The following FRMD4A variants were observed in gnomAD, a reference collection of about 807,000 sequenced individuals.
The protein encoded by FRMD4A is FERM domain-containing protein 4A.
FRMD4A carries 29 observed loss-of-function variants against 129.1 expected under a neutral mutation model. The ratio of observed to expected loss-of-function variants is 0.22; its 90% CI spans 0.17 to 0.31. FRMD4A has a LOEUF of 0.31. Among genes scored for constraint, FRMD4A ranks in the 10% least tolerant of loss-of-function variants. The pLI is 1.00. For synonymous variants in FRMD4A, 634 were observed against 571.6 expected (o/e 1.11, Z -1.56); for missense variants, 1,272 against 1,375.8 (o/e 0.92, Z 1.19).
chr10:13,829,213 A>C (rs889500098), intron 3 of FRMD4A, among the ~76,000 whole-genome samples: 4 of 152,186 alleles, frequency 2.6e-5, no homozygotes, highest in Admixed American at 2.6e-4. Flanking sequence ...AAGCTTTCAC[A>C]TTGATAAACA....
intron 12 of FRMD4A, among the ~76,000 whole-genome samples, chr10:13,718,075 C>T (rs943226196): frequency 2.0e-5 from 3 of 152,232 alleles, no homozygotes; most frequent in African/African-American, 7.2e-5. Context: ...TGGAACACCT[C>T]GTGCTTCCAG....
chr10:13,862,857 G>T (rs1276063940), intron 2 of FRMD4A, among the ~76,000 whole-genome samples: 2 of 152,054 alleles, frequency 1.3e-5, no homozygotes, highest in African/African-American at 4.8e-5. Flanking sequence ...GCTTTGTCTG[G>T]CTTGCCAGGC....
intron 2 of FRMD4A, among the ~76,000 whole-genome samples, chr10:13,995,157 C>A (rs1464135116): frequency 6.6e-6 from 1 of 152,106 alleles, no homozygotes; most frequent in Non-Finnish European, 1.5e-5. Flanking sequence ...CACCTTAAGG[C>A]CATTGACAGA....
chr10:13,918,512 T>A (rs2095034429), intron 2 of FRMD4A, among the ~76,000 whole-genome samples: 1 of 152,288 alleles, frequency 6.6e-6, no homozygotes, highest in East Asian at 1.9e-4. Context: ...TACATGTCTG[T>A]TACGAATATC....
At chr10:13,740,642 G>A (rs892019929) in intron 9 of FRMD4A, 65 bp from the exon 10 acceptor site, 2 of 820,074 alleles carry the variant, frequency 2.4e-6, no homozygotes, top group Non-Finnish European at 4.1e-6. Flanking sequence ...CTTCCTGCCA[G>A]TAAGATATTT....
At chr10:13,926,727 C>T (rs964957742) in intron 2 of FRMD4A, among the ~76,000 whole-genome samples, 6 of 150,602 alleles carry the variant, frequency 4.0e-5, no homozygotes, top group African/African-American at 7.3e-5. Context: ...CTTATACAAG[C>T]AAATAAGAAA....
intron 2 of FRMD4A, among the ~76,000 whole-genome samples, chr10:13,972,954 C>T (rs1242031562): frequency 6.6e-6 from 1 of 152,186 alleles, no homozygotes; most frequent in Admixed American, 6.5e-5. Flanking sequence ...TAACTAATAC[C>T]ATCAGAAAAG....
At chr10:13,698,854 G>A (rs1187573720) in intron 14 of FRMD4A, among the ~76,000 whole-genome samples, 1 of 152,220 alleles carries the variant, frequency 6.6e-6, no homozygotes, top group Non-Finnish European at 1.5e-5. Flanking sequence ...CCTGTGAGAA[G>A]TGTGAGGGCT....
At chr10:14,098,899 T>C (rs1588971770) in intron 2 of FRMD4A, among the ~76,000 whole-genome samples, 1 of 152,204 alleles carries the variant, frequency 6.6e-6, no homozygotes, top group Non-Finnish European at 1.5e-5. Flanking sequence ...CAATGGAACC[T>C]GGATTGGAAC....
At chr10:14,103,165 G>A (rs1024844868) in intron 2 of FRMD4A, among the ~76,000 whole-genome samples, 1 of 152,182 alleles carries the variant, frequency 6.6e-6, no homozygotes, top group Non-Finnish European at 1.5e-5. Context: ...GAAGTGAAGA[G>A]ATGGCCAGCA....
At chr10:13,911,206 C>T (rs1589245997) in intron 2 of FRMD4A, among the ~76,000 whole-genome samples, 1 of 152,104 alleles carries the variant, frequency 6.6e-6, no homozygotes, top group East Asian at 1.9e-4. Flanking sequence ...GCTGAATTTC[C>T]ACAGTCTACC....
chr10:14,062,329 T>A (rs540278055), intron 2 of FRMD4A, among the ~76,000 whole-genome samples: 1 of 152,224 alleles, frequency 6.6e-6, no homozygotes, highest in African/African-American at 2.4e-5. Context: ...AAATTTTGTG[T>A]ATCTGATTAC....
intron 2 of FRMD4A, among the ~76,000 whole-genome samples, chr10:14,277,562 GT>G (rs1352647304): frequency 6.6e-6 from 1 of 152,220 alleles, no homozygotes; most frequent in East Asian, 1.9e-4. Flanking sequence ...ATAGTTGCTT[GT>G]TGTTAAACCA....
intron 2 of FRMD4A, among the ~76,000 whole-genome samples, chr10:14,127,998 CTCT>C: frequency 1.0e-5 from 1 of 99,756 alleles, no homozygotes. Context: ...CTCTCTCTCT[CTCT>C]TTCTTTCTTT....
At chr10:14,143,941 A>C (rs1470849065) in intron 2 of FRMD4A, among the ~76,000 whole-genome samples, 1 of 152,184 alleles carries the variant, frequency 6.6e-6, no homozygotes, top group Non-Finnish European at 1.5e-5. Context: ...ATATTTTGTC[A>C]CAATTAAAAT....
At chr10:14,005,530 G>T (rs2095659228) in intron 2 of FRMD4A, among the ~76,000 whole-genome samples, 1 of 152,164 alleles carries the variant, frequency 6.6e-6, no homozygotes, top group Non-Finnish European at 1.5e-5. Flanking sequence ...CACCTAAGGG[G>T]ACAGGACTGT....
rs890206232 is a variant in FRMD4A, at chr10:13,646,635, C to G, written c.*403G>C. ...CGCAGGAATTGGATGCCGGCTGGCC[C>G]CCCTGATGGTTCCTGGCCTAGGGGC... On this transcript the variant is annotated 3_prime_UTR_variant, in exon 25 of 25. Transcript: ENST00000357447. The G allele has an allele frequency of 6.6e-6, 1 of 152,636 alleles. No individual in the cohort carries two copies. Among genetic ancestry groups the G allele is most frequent in the African/African-American group, 2.4e-5 (1 of 41,468 alleles). 9.5% of individuals were successfully genotyped at this position (152,636 alleles called of 1,614,324 possible).
At chr10:14,225,628 G>A (rs1008219595) in intron 2 of FRMD4A, among the ~76,000 whole-genome samples, 1 of 152,230 alleles carries the variant, frequency 6.6e-6, no homozygotes, top group Non-Finnish European at 1.5e-5. Flanking sequence ...TCCCGATTGT[G>A]AGGAACACAT....
intron 2 of FRMD4A, among the ~76,000 whole-genome samples, chr10:14,251,953 T>G (rs1164988834): frequency 6.6e-6 from 1 of 152,190 alleles, no homozygotes; most frequent in Non-Finnish European, 1.5e-5. Flanking sequence ...ATATGCTTAT[T>G]ATGATGATTA....
Sources: allele counts gnomAD v4.1 joint callset (sites outside exome capture counted in the v4.1 genomes callset), GRCh38; gene constraint gnomAD v4.1.1; transcripts MANE v1.5; gene names NCBI Gene and HGNC (gene_info 2026-07-23, HGNC 2026-07-21).